Variants in CDS2 observed in about 807,000 individuals in gnomAD.
The protein encoded by CDS2 is CDP-diacylglycerol synthase 2.
CDS2 carries 47 observed loss-of-function variants against 59.0 expected under a neutral mutation model. That is an observed-to-expected ratio of 0.80 (90% CI 0.63 to 1.02). The LOEUF (loss-of-function observed/expected upper bound fraction) is 1.02. Ranked by LOEUF, CDS2 falls within the 50% of genes least tolerant of loss-of-function variation. CDS2 has a pLI of 0.00. For synonymous variants in CDS2, 207 were observed against 206.4 expected (o/e 1.00, Z -0.02); for missense variants, 356 against 558.9 (o/e 0.64, Z 3.66).
At chr20:5,128,964 C>T (rs2090579635) in intron 1 of CDS2, among the ~76,000 whole-genome samples, 1 of 152,160 alleles carries the variant, frequency 6.6e-6, no homozygotes, top group African/African-American at 2.4e-5. Context: ...CATAAAGATT[C>T]TACCCTCCTT....
intron 1 of CDS2, among the ~76,000 whole-genome samples, chr20:5,149,692 A>G (rs566570093): frequency 4.5e-4 from 68 of 150,594 alleles, no homozygotes; most frequent in African/African-American, 1.5e-3. Context: ...GTGAGCCACC[A>G]TGCACAGCCT....
chr20:5,173,448 C>T, intron 1 of CDS2, 75 bp from the exon 2 acceptor site: 2 of 1,541,816 alleles, frequency 1.3e-6, no homozygotes, highest in Non-Finnish European at 1.8e-6. Flanking sequence ...ACAGATCTCT[C>T]ATGACAGGCA....
chr20:5,139,799 CTT>C (rs141846083), intron 1 of CDS2, among the ~76,000 whole-genome samples: 31 of 135,090 alleles, frequency 2.3e-4, no homozygotes, highest in Admixed American at 4.5e-4. Flanking sequence ...TTTCAGCATC[CTT>C]TTTTTTTTTT....
rs533637319 is a variant in CDS2 at position 5,192,794 on chromosome 20, A to G, written c.*2560A>G. ...ACTTTTGCTTTGCTTTCCAACTTGT[A>G]TCCCTACATTCTCACAACAGCCTTC... On this transcript the variant is annotated 3_prime_UTR_variant, in exon 13 of 13. Coordinates refer to ENST00000460006, the MANE Select transcript of CDS2 (RefSeq NM_003818.4). 1 of 152,310 alleles carries G rather than the reference A, an allele frequency of 6.6e-6. No individual in the cohort carries two copies. The highest frequency in any genetic ancestry group is 1.9e-4 in the East Asian group (1 of 5,180). The allele number at this position is 152,310 out of a possible 1,614,324, so 9.4% of individuals were successfully genotyped here.
At chr20:5,145,822 G>GGTTTTTTTTTTTTTTT (rs773575866) in intron 1 of CDS2, among the ~76,000 whole-genome samples, 47 of 129,254 alleles carry the variant, frequency 3.6e-4, no homozygotes, top group African/African-American at 8.9e-4. Context: ...TGCTTTTTGT[G>GGTTTTTTTTTTTTTTT]TTTTTTTTTT....
intron 1 of CDS2, among the ~76,000 whole-genome samples, chr20:5,172,157 C>A (rs547815110): frequency 1.3e-5 from 2 of 152,032 alleles, no homozygotes; most frequent in Non-Finnish European, 2.9e-5. Context: ...TGCTGTGTGC[C>A]GTGCATGGGG....
intron 1 of CDS2, among the ~76,000 whole-genome samples, chr20:5,148,208 C>G (rs1320063433): frequency 1.3e-5 from 2 of 152,152 alleles, no homozygotes; most frequent in Non-Finnish European, 2.9e-5. Flanking sequence ...AATATCTCCT[C>G]CTTAGATGCT....
At position 5,127,018 on chromosome 20, in the gene CDS2, GCGTGCC is replaced by G; in HGVS notation, c.-72_-67del. Reference sequence around the variant, plus strand: ...GGCGGGGCCGGCCGTGGGAGTCCGCGCGTGCCCGCGCCGAGCTGCCTGCTCCGGCGG... The same window carrying G: ...GGCGGGGCCGGCCGTGGGAGTCCGCGCGCGCCGAGCTGCCTGCTCCGGCGG... On this transcript the variant is annotated 5_prime_UTR_variant, in exon 1 of 13. Transcript: ENST00000460006. 1 of 1,389,584 alleles carries G rather than the reference GCGTGCC, an allele frequency of 7.2e-7. No homozygotes were observed. Among genetic ancestry groups the G allele is most frequent in the Non-Finnish European group, 9.5e-7 (1 of 1,049,754 alleles). The allele number at this position is 1,389,584 out of a possible 1,614,324, so 86.1% of individuals were successfully genotyped here. A position where few individuals can be genotyped will look rare whatever the true frequency, so the allele number is the denominator to read the frequency against.
intron 1 of CDS2, among the ~76,000 whole-genome samples, chr20:5,136,762 T>C (rs561394715): frequency 1.3e-5 from 2 of 152,156 alleles, no homozygotes; most frequent in Non-Finnish European, 2.9e-5. Flanking sequence ...AACTTTAAGA[T>C]CCTTTGTAGT....
chr20:5,169,622 A>T lies in CDS2; in HGVS notation c.58-3901A>T, dbSNP rs527475680. Among the ~76,000 whole-genome samples, 4 of 152,312 alleles carry T rather than the reference A, an allele frequency of 2.6e-5. No individual in the cohort carries two copies. In the South Asian group the frequency reaches 8.3e-4, roughly 32 times the overall value. ...GGTGTTTTTACCATGTTCCCAGTTT[A>T]CACTCATGAACATATGCATATGTCT... On this transcript the variant is annotated intron_variant, in intron 1 of 12. Coordinates refer to ENST00000460006, the MANE Select transcript of CDS2 (RefSeq NM_003818.4).
At chr20:5,152,905 A>G (rs2090803998) in intron 1 of CDS2, among the ~76,000 whole-genome samples, 1 of 152,204 alleles carries the variant, frequency 6.6e-6, no homozygotes, top group Non-Finnish European at 1.5e-5. Context: ...AGTAACTGGA[A>G]AAGCATGCCA....
intron 1 of CDS2, among the ~76,000 whole-genome samples, chr20:5,143,817 T>G (rs1454553556): frequency 6.7e-6 from 1 of 149,774 alleles, no homozygotes; most frequent in Non-Finnish European, 1.5e-5. Context: ...CAGGCTGGAG[T>G]GCAGTGGCAT....
At chr20:5,174,382 T>G (rs1158883729) in intron 2 of CDS2, among the ~76,000 whole-genome samples, 1 of 152,142 alleles carries the variant, frequency 6.6e-6, no homozygotes, top group Non-Finnish European at 1.5e-5. Flanking sequence ...CATTTCCTCA[T>G]CTGTAAAAGC....
intron 7 of CDS2, 111 bp downstream of exon 7, chr20:5,183,254 A>G (rs2091044206): frequency 1.2e-6 from 1 of 851,722 alleles, no homozygotes; most frequent in African/African-American, 1.7e-5. Flanking sequence ...AATCCTCTGC[A>G]GGGTTCATTA....
At chr20:5,187,360 A>T (rs2091077117) in intron 10 of CDS2, 1 of 164,372 alleles carries the variant, frequency 6.1e-6, no homozygotes, top group Non-Finnish European at 1.3e-5. Context: ...CTCTCTACTG[A>T]AATGGAAAGT....
In CDS2 at chr20:5,156,459, G is replaced by A. The variant is rs2090834446; in HGVS notation, c.58-17064G>A. 3.3e-5 allele frequency among the ~76,000 whole-genome samples: 5 copies of A among 152,126 alleles called. No homozygotes were observed. In the South Asian group the frequency reaches 8.3e-4, roughly 25 times the overall value. Reference sequence around the variant, plus strand: ...GAGGAGAGGACATAACTCGTGTTATGGGAGCTGGTCCACAGAAGAGAGGCT... The same window carrying A: ...GAGGAGAGGACATAACTCGTGTTATAGGAGCTGGTCCACAGAAGAGAGGCT... On this transcript the variant is annotated intron_variant, in intron 1 of 12. Coordinates refer to ENST00000460006, the MANE Select transcript of CDS2 (RefSeq NM_003818.4).
chr20:5,177,487 G>T (rs2123048083), intron 4 of CDS2, among the ~76,000 whole-genome samples: 1 of 152,210 alleles, frequency 6.6e-6, no homozygotes, highest in African/African-American at 2.4e-5. Flanking sequence ...AAAGCAAAAA[G>T]AAAAACCTGT....
intron 1 of CDS2, among the ~76,000 whole-genome samples, chr20:5,154,338 T>C (rs1348661941): frequency 6.6e-6 from 1 of 152,160 alleles, no homozygotes; most frequent in Non-Finnish European, 1.5e-5. Flanking sequence ...ACCTTCTGGG[T>C]TCACCACCCT....
At chr20:5,176,827 T>C in intron 4 of CDS2, 82 bp downstream of exon 4, 2 of 929,160 alleles carry the variant, frequency 2.2e-6, no homozygotes, top group Non-Finnish European at 1.8e-6. Flanking sequence ...GGTGGGTATT[T>C]CTATCACTTG....
Sources: gnomAD v4.1 joint callset for allele counts (sites outside exome capture counted in the v4.1 genomes callset) on GRCh38, gnomAD v4.1.1 for gene constraint, MANE v1.5 for transcripts, NCBI Gene and HGNC (gene_info 2026-07-23, HGNC 2026-07-21) for gene names.